EFNA5: variants seen among roughly 807,000 people sequenced by gnomAD.
The protein encoded by EFNA5 is ephrin-A5.
Under a neutral mutation model 22.9 loss-of-function variants are expected in EFNA5, and 5 were observed. The ratio of observed to expected loss-of-function variants is 0.22; its 90% CI spans 0.11 to 0.46. The LOEUF (loss-of-function observed/expected upper bound fraction) is 0.46, where lower values mean the gene tolerates loss of function less well. Ranked by LOEUF, EFNA5 falls within the 20% of genes least tolerant of loss-of-function variation. The pLI is 0.99. For missense variants in EFNA5, 237 were observed against 293.3 expected (o/e 0.81, Z 1.40); for synonymous variants, 113 against 112.2 (o/e 1.01, Z -0.04).
At chr5:107,496,680 G>A (rs928571741) in intron 1 of EFNA5, among the ~76,000 whole-genome samples, 1 of 152,224 alleles carries the variant, frequency 6.6e-6, no homozygotes, top group Admixed American at 6.5e-5. Context: ...GTTGGGGCTT[G>A]CTAAGCAATA....
At chr5:107,382,767 G>A (rs570317929) in intron 4 of EFNA5, among the ~76,000 whole-genome samples, 1 of 152,270 alleles carries the variant, frequency 6.6e-6, no homozygotes, top group East Asian at 1.9e-4. Flanking sequence ...GTAACTTCCT[G>A]CAGGTGTTCA....
At chr5:107,662,627 A>G (rs1456455276) in intron 1 of EFNA5, among the ~76,000 whole-genome samples, 4 of 152,110 alleles carry the variant, frequency 2.6e-5, no homozygotes, top group Non-Finnish European at 5.9e-5. Flanking sequence ...AGAACCCACA[A>G]GAAAGATTTG....
chr5:107,585,243 G>T (rs760359574), intron 1 of EFNA5, among the ~76,000 whole-genome samples: 3 of 152,144 alleles, frequency 2.0e-5, no homozygotes, highest in Non-Finnish European at 4.4e-5. Flanking sequence ...AGAGTTACTG[G>T]ATGGAAATTC....
intron 1 of EFNA5, among the ~76,000 whole-genome samples, chr5:107,622,978 G>A (rs549515667): frequency 3.6e-4 from 45 of 125,562 alleles, no homozygotes; most frequent in Admixed American, 1.9e-3. Context: ...CCGAGATTGC[G>A]CCACTGCAGT....
intron 1 of EFNA5, among the ~76,000 whole-genome samples, chr5:107,468,873 T>G (rs898050329): frequency 6.6e-6 from 1 of 152,208 alleles, no homozygotes; most frequent in Non-Finnish European, 1.5e-5. Flanking sequence ...TAAATGACAT[T>G]TTTTAAAAAG....
chr5:107,660,230 A>G (rs2112559750), intron 1 of EFNA5, among the ~76,000 whole-genome samples: 1 of 141,038 alleles, frequency 7.1e-6, no homozygotes, highest in Non-Finnish European at 1.5e-5. Flanking sequence ...ACACTGCCAG[A>G]AAAAGACTGG....
In EFNA5 at chr5:107,496,051, C is replaced by T. The variant is rs541186035; in HGVS notation, c.126-68542G>A. Among the ~76,000 whole-genome samples the T allele has an allele frequency of 1.5e-4, 23 of 150,848 alleles. No individual in the cohort carries two copies. The South Asian group carries it at 3.4e-3, about 22-fold the overall frequency. Reference sequence around the variant, plus strand: ...CCCAAAATTACTTAGAGCAGGCTGGCGCGGTGGCTCATGCCTGTAATCCCA... The same window carrying T: ...CCCAAAATTACTTAGAGCAGGCTGGTGCGGTGGCTCATGCCTGTAATCCCA... On this transcript the variant is annotated intron_variant, in intron 1 of 4. Coordinates refer to ENST00000333274, the MANE Select transcript of EFNA5 (RefSeq NM_001962.3).
intron 1 of EFNA5, among the ~76,000 whole-genome samples, chr5:107,651,243 GAATTAT>G (rs1234899965): frequency 2.6e-5 from 4 of 152,060 alleles, no homozygotes; most frequent in Non-Finnish European, 4.4e-5. Flanking sequence ...AGCAAAACAA[GAATTAT>G]AATACTTCCC....
intron 2 of EFNA5, among the ~76,000 whole-genome samples, chr5:107,399,318 C>CGGAAAGGAAATGAAA (rs1748020656): frequency 5.3e-5 from 5 of 94,570 alleles, no homozygotes; most frequent in African/African-American, 2.3e-4. Flanking sequence ...AGGAAGGAAA[C>CGGAAAGGAAATGAAA]GGAAAGGAAA....
chr5:107,416,921 T>C (rs1166452200), intron 2 of EFNA5, among the ~76,000 whole-genome samples: 2 of 151,986 alleles, frequency 1.3e-5, no homozygotes, highest in Non-Finnish European at 2.9e-5. Context: ...AAGCAAAACA[T>C]GCAGTAAAAC....
chr5:107,585,455 A>C (rs1194557338), intron 1 of EFNA5, among the ~76,000 whole-genome samples: 1 of 152,206 alleles, frequency 6.6e-6, no homozygotes, highest in Non-Finnish European at 1.5e-5. Context: ...AATTCTTCTA[A>C]AAGAGGGAAT....
chr5:107,571,965 G>A (rs1250013360), intron 1 of EFNA5, among the ~76,000 whole-genome samples: 3 of 152,002 alleles, frequency 2.0e-5, no homozygotes, highest in African/African-American at 7.3e-5. Flanking sequence ...GTGACCAGAC[G>A]GCAGGGATGG....
intron 1 of EFNA5, among the ~76,000 whole-genome samples, chr5:107,437,226 C>CA (rs1749135909): frequency 6.6e-6 from 1 of 152,108 alleles, no homozygotes; most frequent in Admixed American, 6.5e-5. Context: ...TTATCTTCAT[C>CA]AGACAAGGGG....
intron 1 of EFNA5, among the ~76,000 whole-genome samples, chr5:107,617,988 C>CAGCGTCT (rs1749958272): frequency 6.6e-6 from 1 of 151,840 alleles, no homozygotes; most frequent in Non-Finnish European, 1.5e-5. Context: ...AATAGCAAGA[C>CAGCGTCT]GCTGTCTCTG....
At chr5:107,546,065 G>T (rs1748146800) in intron 1 of EFNA5, among the ~76,000 whole-genome samples, 1 of 152,102 alleles carries the variant, frequency 6.6e-6, no homozygotes, top group African/African-American at 2.4e-5. Flanking sequence ...GGATTTCACT[G>T]CCCAGAGAGA....
rs1480285412 is a variant in EFNA5, at chr5:107,377,827, A to G, written c.*3428T>C. On this transcript the variant is annotated 3_prime_UTR_variant, in exon 5 of 5. Coordinates refer to ENST00000333274, the MANE Select transcript of EFNA5 (RefSeq NM_001962.3). ...TGTTTCTAAATTCCCTATCCTTTTCAAACCAACATGCTGGTGGAGAAGGGA... is the reference window on the plus strand; with the variant it reads ...TGTTTCTAAATTCCCTATCCTTTTCGAACCAACATGCTGGTGGAGAAGGGA... 1.3e-5 allele frequency: 2 copies of G among 152,266 alleles called. No homozygotes were observed. Among genetic ancestry groups the G allele is most frequent in the Non-Finnish European group, 2.9e-5 (2 of 68,058 alleles). 9.4% of individuals were successfully genotyped at this position (152,266 alleles called of 1,614,324 possible). A position where few individuals can be genotyped will look rare whatever the true frequency, so the allele number is the denominator to read the frequency against.
intron 1 of EFNA5, among the ~76,000 whole-genome samples, chr5:107,627,338 C>T (rs1750162888): frequency 6.6e-6 from 1 of 152,182 alleles, no homozygotes; most frequent in Admixed American, 6.5e-5. Flanking sequence ...GCTGAGCATA[C>T]AAATTCCTAT....
At chr5:107,390,956 C>T (rs187153750) in intron 2 of EFNA5, among the ~76,000 whole-genome samples, 4 of 152,182 alleles carry the variant, frequency 2.6e-5, no homozygotes, top group South Asian at 4.1e-4. Context: ...GCCAGGAGTT[C>T]GAGACCAGCC....
intron 1 of EFNA5, among the ~76,000 whole-genome samples, chr5:107,476,057 T>TATATATATATATATATATATATGTA: frequency 5.0e-5 from 5 of 100,414 alleles, no homozygotes; most frequent in South Asian, 3.1e-4. Context: ...TATATATATA[T>TATATATATATATATATATATATGTA]TTTTTTTTTT....
Sources: gnomAD v4.1 joint callset for allele counts (sites outside exome capture counted in the v4.1 genomes callset) on GRCh38, gnomAD v4.1.1 for gene constraint, MANE v1.5 for transcripts, NCBI Gene and HGNC (gene_info 2026-07-23, HGNC 2026-07-21) for gene names.